The following DOCK7 variants were observed in gnomAD, a reference collection of about 807,000 sequenced individuals.
DOCK7 encodes the protein dedicator of cytokinesis 7.
A neutral mutation model predicts 271.0 loss-of-function variants in DOCK7; 138 were observed. The observed-to-expected ratio is 0.51, with a 90% CI of 0.44 to 0.59. The LOEUF is 0.59. Ranked by LOEUF, DOCK7 falls within the 20% of genes least tolerant of loss-of-function variation. The pLI is 0.00. For missense variants in DOCK7, 2,066 were observed against 2,592.4 expected (o/e 0.80, Z 4.41); for synonymous variants, 823 against 876.1 (o/e 0.94, Z 1.07).
chr1:62,553,377 T>A (rs1330609116), intron 21 of DOCK7, among the ~76,000 whole-genome samples: 44 of 8,746 alleles, frequency 5.0e-3, no homozygotes, highest in Non-Finnish European at 7.4e-3. Flanking sequence ...TTTTTTTTTT[T>A]TTTTTTTTAA....
intron 29 of DOCK7, among the ~76,000 whole-genome samples, chr1:62,532,959 A>G (rs1339836578): frequency 6.6e-6 from 1 of 152,188 alleles, no homozygotes; most frequent in African/African-American, 2.4e-5. Context: ...TCTTGCAGTC[A>G]TGAGAGGCTC....
At chr1:62,510,699 T>C (rs754688496) in intron 33 of DOCK7, 26 bp from the exon 34 acceptor site, 1 of 1,571,158 alleles carries the variant, frequency 6.4e-7, no homozygotes, top group South Asian at 1.1e-5. Flanking sequence ...CAAAACCAAT[T>C]TTCAAATGTT....
intron 22 of DOCK7, among the ~76,000 whole-genome samples, chr1:62,545,967 A>G (rs1055346660): frequency 1.3e-5 from 2 of 152,182 alleles, no homozygotes; most frequent in African/African-American, 4.8e-5. Flanking sequence ...GAATCTAATA[A>G]TTGGAACTGG....
rs147371901 is a variant in DOCK7 at position 62,524,931 on chromosome 1, CTATATATATATATA to C, written c.3936+3206_3936+3219del. Reference sequence around the variant, plus strand: ...AACAAAACAAAACCAACCAACCAAACTATATATATATATATATATATATATTACTATAAACTATA... The same window carrying C: ...AACAAAACAAAACCAACCAACCAAACTATATATATATTACTATAAACTATA... On this transcript the variant is annotated intron_variant, in intron 31 of 49. Transcript: ENST00000635253. 1.3e-4 allele frequency among the ~76,000 whole-genome samples: 13 copies of C among 103,634 alleles called. 1 individual carries two copies. The highest frequency in any genetic ancestry group is 2.4e-4 in the East Asian group (1 of 4,216). 68.0% of individuals were successfully genotyped at this position (103,634 alleles called of 152,430 possible).
At chr1:62,534,977 G>A (rs1645294922) in intron 29 of DOCK7, among the ~76,000 whole-genome samples, 1 of 151,976 alleles carries the variant, frequency 6.6e-6, no homozygotes, top group African/African-American at 2.4e-5. Context: ...TGTAGTCCCA[G>A]CTTTGGGAGG....
intron 48 of DOCK7, among the ~76,000 whole-genome samples, chr1:62,472,011 A>C (rs1645843449): frequency 6.6e-6 from 1 of 151,468 alleles, no homozygotes; most frequent in South Asian, 2.1e-4. Context: ...GAATGGTAAC[A>C]CACAAAAATA....
intron 7 of DOCK7, among the ~76,000 whole-genome samples, chr1:62,642,292 T>C (rs1656128992): frequency 6.6e-6 from 1 of 152,010 alleles, no homozygotes; most frequent in Non-Finnish European, 1.5e-5. Context: ...GTATTTTTAG[T>C]GGAGATGGGT....
intron 48 of DOCK7, chr1:62,458,162 TG>T: frequency 6.9e-6 from 1 of 144,580 alleles, no homozygotes; most frequent in Admixed American, 6.8e-5. Context: ...CGTGGGTGTG[TG>T]TGTGTGTGTG....
intron 7 of DOCK7, among the ~76,000 whole-genome samples, chr1:62,645,707 G>A (rs1656563671): frequency 6.6e-6 from 1 of 152,166 alleles, no homozygotes; most frequent in Non-Finnish European, 1.5e-5. Flanking sequence ...AATATACACT[G>A]AGTGAACCAC....
chr1:62,618,492 G>C (rs974762309), intron 14 of DOCK7, among the ~76,000 whole-genome samples: 1 of 152,000 alleles, frequency 6.6e-6, no homozygotes, highest in Admixed American at 6.6e-5. Context: ...GATTAAATAA[G>C]ACTAAAAAAG....
At position 62,663,005 on chromosome 1, in the gene DOCK7, A is replaced by C; in HGVS notation, c.144+20T>G. The C allele has an allele frequency of 6.3e-7, 1 of 1,580,468 alleles. No homozygotes were observed. Among genetic ancestry groups the C allele is most frequent in the Non-Finnish European group, 8.7e-7 (1 of 1,152,244 alleles). ...CAATCATACACCAAGAAGAGACTAT[A>C]TTTTGAATACGTTACTTACTGTGGT... On this transcript the variant is annotated intron_variant, in intron 2 of 49. Transcript: ENST00000635253.
Position 62,469,184 on chromosome 1 carries a change from T to C in DOCK7, c.6212+4798A>G, listed in dbSNP as rs192969397. Among the ~76,000 whole-genome samples the C allele has an allele frequency of 9.2e-5, 14 of 152,214 alleles. No individual in the cohort carries two copies. In the East Asian group the frequency reaches 1.9e-3, roughly 21 times the overall value. ...GATTTTAAACTATACTGTAAGGCCA[T>C]AGTCACCAAAACAGCATGATACTGG... On this transcript the variant is annotated intron_variant, in intron 48 of 49. Transcript: ENST00000635253.
At chr1:62,646,605 G>A (rs1404589450) in intron 7 of DOCK7, among the ~76,000 whole-genome samples, 1 of 152,198 alleles carries the variant, frequency 6.6e-6, no homozygotes, top group Non-Finnish European at 1.5e-5. Flanking sequence ...AATGCAGCAA[G>A]CAGCAGCCAT....
At chr1:62,606,576 C>T (rs1293116922) in intron 14 of DOCK7, among the ~76,000 whole-genome samples, 1 of 152,140 alleles carries the variant, frequency 6.6e-6, no homozygotes, top group Non-Finnish European at 1.5e-5. Context: ...CCTTTTATCT[C>T]TCTACTACTT....
At chr1:62,463,370 T>C (rs762321896) in intron 48 of DOCK7, among the ~76,000 whole-genome samples, 41 of 152,174 alleles carry the variant, frequency 2.7e-4, no homozygotes, top group Non-Finnish European at 4.4e-4. Context: ...ATGCTACTGA[T>C]GGGAATGTAA....
intron 18 of DOCK7, among the ~76,000 whole-genome samples, chr1:62,576,945 T>G (rs1340302592): frequency 2.0e-5 from 3 of 152,208 alleles, no homozygotes; most frequent in Non-Finnish European, 4.4e-5. Context: ...GAAATATTCA[T>G]TTATTTAAAG....
chr1:62,539,719 A>AAG (rs774902654), intron 26 of DOCK7, 33 bp downstream of exon 26: 15 of 1,611,372 alleles, frequency 9.3e-6, no homozygotes, highest in African/African-American at 1.3e-5. Flanking sequence ...CTGAGCTTGA[A>AAG]AGAGAGATAA....
At chr1:62,598,539 G>A (rs1273938138) in intron 14 of DOCK7, among the ~76,000 whole-genome samples, 2 of 151,918 alleles carry the variant, frequency 1.3e-5, no homozygotes, top group African/African-American at 4.8e-5. Context: ...ACAAAAATAT[G>A]TGCTATTTGA....
chr1:62,645,630 A>G (rs1360225559), intron 7 of DOCK7, among the ~76,000 whole-genome samples: 1 of 152,216 alleles, frequency 6.6e-6, no homozygotes, highest in Non-Finnish European at 1.5e-5. Context: ...AAATCTAAGA[A>G]TATACTGAAA....
Sources: gnomAD v4.1 joint callset for allele counts (sites outside exome capture counted in the v4.1 genomes callset) on GRCh38, gnomAD v4.1.1 for gene constraint, MANE v1.5 for transcripts, NCBI Gene and HGNC (gene_info 2026-07-23, HGNC 2026-07-21) for gene names.